LILRA2: variants seen among roughly 807,000 people sequenced by gnomAD.
LILRA2 encodes the protein leukocyte immunoglobulin like receptor A2, also known as leukocyte immunoglobulin-like receptor subfamily A member 2.
In LILRA2, 45 loss-of-function variants were observed where a neutral mutation model predicts 47.9. That is an observed-to-expected ratio of 0.94 (90% CI 0.74 to 1.20). The LOEUF is 1.20. LILRA2 is among the 50% of genes most tolerant of loss of function. The probability of loss-of-function intolerance (pLI) is 0.00; values close to 1 mark genes in which losing one functional copy is unlikely to be tolerated. For missense variants in LILRA2, 651 were observed against 598.2 expected (o/e 1.09, Z -0.92); for synonymous variants, 279 against 249.2 (o/e 1.12, Z -1.13).
intron 6 of LILRA2, among the ~76,000 whole-genome samples, chr19:54,585,594 C>T (rs890920188): frequency 5.3e-5 from 8 of 152,132 alleles, no homozygotes; most frequent in Non-Finnish European, 1.0e-4. Flanking sequence ...TGAGACCTGC[C>T]GAGCCAGGCA....
rs1165941135 is a variant in LILRA2 at position 54,575,877 on chromosome 19, C to T, written c.1023C>T (p.Thr341=). The part of the protein sequence containing the change: ...VPTVAPGKNV[T]LLCQSRGQFH... ...CAGTAGCCCCAGGAAAGAACGTGAC[C>T]CTGCTGTGTCAGTCACGGGGGCAGT... Residue 341 remains threonine (T), a synonymous_variant, in exon 6 of 8, where the codon ACC becomes ACT. Transcript: ENST00000391738. 6.2e-7 allele frequency: 1 copy of T among 1,613,832 alleles called. No individual in the cohort carries two copies. Among genetic ancestry groups the T allele is most frequent in the Non-Finnish European group, 8.5e-7 (1 of 1,179,866 alleles).
At position 54,587,784 on chromosome 19, in the gene LILRA2, C is replaced by T. The variant is rs145366319; in HGVS notation, c.*438C>T. 5.3e-3 allele frequency: 906 copies of T among 171,234 alleles called. No homozygotes were observed. The South Asian group carries it at 0.089, about 17-fold the overall frequency. 10.6% of individuals were successfully genotyped at this position (171,234 alleles called of 1,614,324 possible). A position where few individuals can be genotyped will look rare whatever the true frequency, so the allele number is the denominator to read the frequency against. ...AAACCTGAACCACCAACTAAATCAA[C>T]GACAGGAGATCAGATTCCAACCAGG... On this transcript the variant is annotated 3_prime_UTR_variant, in exon 8 of 8. Transcript: ENST00000391738.
rs554460678 is a variant in LILRA2 at position 54,575,520 on chromosome 19, C to T, written c.920C>T (p.Ala307Val). The T allele has an allele frequency of 6.8e-6, 11 of 1,612,210 alleles. No individual in the cohort carries two copies. The highest frequency in any genetic ancestry group is 4.5e-5 in the East Asian group (2 of 44,868). Residue 307 changes from alanine (A) to valine (V), a missense_variant, in exon 5 of 8, where the codon GCC (alanine) becomes GTC (valine). Physicochemically the swap from Ala to Val is moderately conservative, Grantham distance 64. Transcript: ENST00000391738. ...SAHNLSSEWS[A>V]PSDPLDILIT... ...CACAACCTCTCCTCCGAGTGGTCGG[C>T]CCCCAGTGACCCCCTGGACATCCTG...
Position 54,588,718 on chromosome 19 carries a change from T to A in LILRA2, c.*1372T>A, listed in dbSNP as rs2062874862. ...TTTTGCTTTGTTGCCCAGGCTGGAGTGCAATGGTGCAATCTCGGCTCACTG... is the reference window on the plus strand; with the variant it reads ...TTTTGCTTTGTTGCCCAGGCTGGAGAGCAATGGTGCAATCTCGGCTCACTG... On this transcript the variant is annotated 3_prime_UTR_variant, in exon 8 of 8. Coordinates refer to ENST00000391738, the MANE Select transcript of LILRA2 (RefSeq NM_001130917.3). The A allele has an allele frequency of 6.6e-6, 1 of 151,714 alleles. No homozygotes were observed. The allele number at this position is 151,714 out of a possible 1,614,324, so 9.4% of individuals were successfully genotyped here.
intron 6 of LILRA2, among the ~76,000 whole-genome samples, chr19:54,586,362 CAT>C: frequency 6.6e-6 from 1 of 152,142 alleles, no homozygotes; most frequent in South Asian, 2.1e-4. Flanking sequence ...CAGCATTTAA[CAT>C]ATGCATATTT....
intron 6 of LILRA2, among the ~76,000 whole-genome samples, chr19:54,578,122 T>C (rs1319793422): frequency 6.6e-6 from 1 of 151,024 alleles, no homozygotes; most frequent in African/African-American, 2.4e-5. Context: ...GATTTCTTTA[T>C]ATATATATAT....
intron 6 of LILRA2, among the ~76,000 whole-genome samples, chr19:54,580,198 T>C (rs868672166): frequency 1.4e-4 from 17 of 120,182 alleles, no homozygotes; most frequent in East Asian, 1.2e-3. Context: ...TTTTCTTTTC[T>C]TTTTTTTTTT....
rs774454795 is a variant in LILRA2, at chr19:54,574,093, A to C, written c.52A>C (p.Arg18=). 1.3e-5 allele frequency: 21 copies of C among 1,614,120 alleles called. No homozygotes were observed. The highest frequency in any genetic ancestry group is 4.5e-5 in the East Asian group (2 of 44,894). ...TCTTCCAGGGCTGAGTCTGGGCCCC[A>C]GGACCCACGTGCAGGCAGGTGAGTC... is the stretch of plus-strand genomic sequence containing the variant. ...LICLGLSLGP[R]THVQAGHLPK... Residue 18 remains arginine (R), a synonymous_variant, in exon 2 of 8, where the codon AGG becomes CGG. Transcript: ENST00000391738.
rs1016395613 is a variant in LILRA2 at position 54,586,122 on chromosome 19, G to T, written c.1256-888G>T. Among the ~76,000 whole-genome samples the T allele has an allele frequency of 2.0e-5, 3 of 151,556 alleles. No individual in the cohort carries two copies. In the South Asian group the frequency reaches 6.7e-4, roughly 34 times the overall value. ...ATGCCAATATTTCTCAAATATTAAC[G>T]TGTATATAACTACATAATAAATACA... is the stretch of plus-strand genomic sequence containing the variant. On this transcript the variant is annotated intron_variant, in intron 6 of 7. Transcript: ENST00000391738.
intron 3 of LILRA2, 73 bp from the exon 4 acceptor site, chr19:54,574,658 T>C (rs2062311311): frequency 2.4e-5 from 38 of 1,600,144 alleles, no homozygotes; most frequent in Non-Finnish European, 3.2e-5. Context: ...GCATCTCCGC[T>C]CTCACAGCTC....
Position 54,588,450 on chromosome 19 carries a change from A to C in LILRA2, c.*1104A>C, listed in dbSNP as rs1472437828. 1 of 151,424 alleles carries C rather than the reference A, an allele frequency of 6.6e-6. No individual in the cohort carries two copies. Among genetic ancestry groups the C allele is most frequent in the Non-Finnish European group, 1.5e-5 (1 of 67,842 alleles). The allele number at this position is 151,424 out of a possible 1,614,324, so 9.4% of individuals were successfully genotyped here. On this transcript the variant is annotated 3_prime_UTR_variant, in exon 8 of 8. Transcript: ENST00000391738. Reference sequence around the variant, plus strand: ...AACCCCGTCTCTACTAAATACACAAAAAAATATTGGCCGGGCGTGGTGGTG... The same window carrying C: ...AACCCCGTCTCTACTAAATACACAACAAAATATTGGCCGGGCGTGGTGGTG...
At chr19:54,587,151 G>A (rs1450695616) in intron 7 of LILRA2, 50 bp from the exon 8 acceptor site, 3 of 1,612,680 alleles carry the variant, frequency 1.9e-6, no homozygotes, top group Non-Finnish European at 2.5e-6. Context: ...ACATACAGGA[G>A]TCCCGGGGTG....
In LILRA2 at chr19:54,574,802, C is replaced by T; in HGVS notation, c.424C>T (p.Gln142Ter). The change falls in exon 4 of 8, where the codon CAG (glutamine) becomes TAG (stop). Residue 142 changes from glutamine (Q) to a stop codon, truncating the protein, a stop_gained. Coordinates refer to ENST00000391738, the MANE Select transcript of LILRA2 (RefSeq NM_001130917.3). LOFTEE classifies it high-confidence loss of function. ...GACCTCAGGAGGGAACGTGACCCTC[C>T]AGTGTGTCTCACAGGTGGCATTTGA... Reference protein sequence around the residue: ...VVTSGGNVTLQCVSQVAFDGF... With the variant: ...VVTSGGNVTL 6 of 1,614,294 alleles carry T rather than the reference C, an allele frequency of 3.7e-6. No individual in the cohort carries two copies. Among genetic ancestry groups the T allele is most frequent in the Non-Finnish European group, 5.1e-6 (6 of 1,180,048 alleles).
At chr19:54,587,083 T>A in intron 7 of LILRA2, 23 bp downstream of exon 7, 2 of 1,613,174 alleles carry the variant, frequency 1.2e-6, no homozygotes, top group Non-Finnish European at 1.7e-6. Context: ...ATGCTCTCAG[T>A]TATGGGACTG....
At chr19:54,576,918 C>G (rs1219003293) in intron 6 of LILRA2, among the ~76,000 whole-genome samples, 2 of 152,276 alleles carry the variant, frequency 1.3e-5, no homozygotes, top group Non-Finnish European at 2.9e-5. Flanking sequence ...TAAGGGGGAG[C>G]TGCCTGGATG....
intron 6 of LILRA2, among the ~76,000 whole-genome samples, chr19:54,580,062 ATTTGAC>A (rs972927059): frequency 6.6e-6 from 1 of 152,174 alleles, no homozygotes; most frequent in African/African-American, 2.4e-5. Context: ...AGCAGAGATA[ATTTGAC>A]TTTCTCTTTT....
At chr19:54,586,379 G>T (rs2062808174) in intron 6 of LILRA2, among the ~76,000 whole-genome samples, 2 of 152,216 alleles carry the variant, frequency 1.3e-5, no homozygotes, top group Non-Finnish European at 2.9e-5. Context: ...ATATTTGTGT[G>T]TGTGGGTGGG....
Position 54,577,246 on chromosome 19 carries a change from G to T in LILRA2, c.1255+1137G>T, listed in dbSNP as rs1047819925. ...CTCCAATTTTCTACCAAAATCAATA[G>T]CTGGCACAGCTCTGCAGGACCCCCA... is the stretch of plus-strand genomic sequence containing the variant. On this transcript the variant is annotated intron_variant, in intron 6 of 7. Transcript: ENST00000391738. Among the ~76,000 whole-genome samples the T allele has an allele frequency of 3.0e-3, 456 of 151,752 alleles. No individual in the cohort carries two copies. In the South Asian group the frequency reaches 0.062, roughly 21 times the overall value.
intron 6 of LILRA2, chr19:54,577,671 G>T (rs1010842092): frequency 7.8e-7 from 1 of 1,284,654 alleles, no homozygotes; most frequent in African/African-American, 1.5e-5. Flanking sequence ...TCTGTGCTCA[G>T]GGCATCCCTG....
Sources: gnomAD v4.1 joint callset for allele counts (sites outside exome capture counted in the v4.1 genomes callset) on GRCh38, gnomAD v4.1.1 for gene constraint, MANE v1.5 for transcripts, NCBI Gene and HGNC (gene_info 2026-07-23, HGNC 2026-07-21) for gene names.